LYPLAL1: variants seen among roughly 807,000 people sequenced by gnomAD.
LYPLAL1 encodes the protein lysophospholipase like 1, also known as lysophospholipase-like protein 1.
LYPLAL1 carries 23 observed loss-of-function variants against 19.7 expected under a neutral mutation model. The ratio of observed to expected loss-of-function variants is 1.17; its 90% CI spans 0.84 to 1.65. The LOEUF is 1.65. LYPLAL1 is among the 40% of genes most tolerant of loss of function. LYPLAL1 has a pLI of 0.00. For missense variants in LYPLAL1, 355 were observed against 279.4 expected, an observed-to-expected ratio of 1.27 and a Z score of -1.93; for synonymous variants, 119 against 96.3, an observed-to-expected ratio of 1.24 and a Z score of -1.38.
chr1:219,376,454 C>T, the LYPLAL1 span, among the ~76,000 whole-genome samples: 9 of 150,734 alleles, frequency 6.0e-5, no homozygotes, highest in South Asian at 1.1e-3. Context: ...CCAAAAACAA[C>T]GGAAACAAAA....
At chr1:219,380,845 C>T in the LYPLAL1 span, among the ~76,000 whole-genome samples, 2 of 152,074 alleles carry the variant, frequency 1.3e-5, no homozygotes, top group African/African-American at 2.4e-5. Context: ...CCCTGTTGGT[C>T]CTAGTGAGAA....
At chr1:219,308,499 G>C in the LYPLAL1 span, among the ~76,000 whole-genome samples, 14 of 152,218 alleles carry the variant, frequency 9.2e-5, no homozygotes, top group Admixed American at 7.2e-4. Context: ...CAGAGGTCTA[G>C]GAGGAAATAA....
At chr1:219,180,046 G>A (rs529780923) in intron 2 of LYPLAL1, among the ~76,000 whole-genome samples, 52 of 151,834 alleles carry the variant, frequency 3.4e-4, no homozygotes, top group Non-Finnish European at 6.6e-4. Flanking sequence ...GCCTAGGCTG[G>A]AGTGCAGTGG....
the LYPLAL1 span, among the ~76,000 whole-genome samples, chr1:219,350,934 G>C: frequency 3.3e-5 from 5 of 152,116 alleles, no homozygotes; most frequent in Non-Finnish European, 7.4e-5. Context: ...TTCTGCAAGA[G>C]GGTGAGGAGC....
intron 1 of LYPLAL1, 63 bp downstream of exon 1, chr1:219,174,044 C>T: frequency 6.2e-7 from 1 of 1,601,034 alleles, no homozygotes; most frequent in Non-Finnish European, 8.5e-7. Context: ...CTCGGTTACC[C>T]CAGTATTGCC....
At chr1:219,329,821 G>A in the LYPLAL1 span, among the ~76,000 whole-genome samples, 1 of 152,158 alleles carries the variant, frequency 6.6e-6, no homozygotes, top group African/African-American at 2.4e-5. Flanking sequence ...GGCTGTGACT[G>A]CTGCAGGAAA....
At chr1:219,333,650 T>G in the LYPLAL1 span, among the ~76,000 whole-genome samples, 2 of 152,004 alleles carry the variant, frequency 1.3e-5, no homozygotes, top group Admixed American at 1.3e-4. Context: ...ATAAGAGAAA[T>G]AAGAATTTTT....
chr1:219,353,762 G>A, the LYPLAL1 span, among the ~76,000 whole-genome samples: 26 of 152,148 alleles, frequency 1.7e-4, no homozygotes, highest in South Asian at 1.0e-3. Flanking sequence ...TTCTAGATGC[G>A]AAGAAACAGG....
downstream of LYPLAL1, among the ~76,000 whole-genome samples, chr1:219,216,311 C>T (rs2125130663): frequency 6.6e-6 from 1 of 152,096 alleles, no homozygotes; most frequent in East Asian, 1.9e-4. Flanking sequence ...TGATTGGATT[C>T]TAGACATGTG....
At chr1:219,404,839 T>C in the LYPLAL1 span, among the ~76,000 whole-genome samples, 1 of 152,210 alleles carries the variant, frequency 6.6e-6, no homozygotes, top group Non-Finnish European at 1.5e-5. Flanking sequence ...ATTACCATGA[T>C]TTGCTCATTA....
chr1:219,182,375 G>A (rs1377920015), intron 2 of LYPLAL1, among the ~76,000 whole-genome samples: 4 of 152,014 alleles, frequency 2.6e-5, no homozygotes, highest in South Asian at 2.1e-4. Context: ...ATTTATTGTC[G>A]TTGCTTTTGT....
At chr1:219,304,316 T>C in the LYPLAL1 span, among the ~76,000 whole-genome samples, 2 of 152,208 alleles carry the variant, frequency 1.3e-5, no homozygotes, top group African/African-American at 4.8e-5. Flanking sequence ...TAAATAATTA[T>C]CCAAGATGCT....
the LYPLAL1 span, among the ~76,000 whole-genome samples, chr1:219,237,873 G>A: frequency 6.6e-6 from 1 of 152,040 alleles, no homozygotes; most frequent in African/African-American, 2.4e-5. Context: ...CTGTCTCACT[G>A]GTAACTTTAT....
the LYPLAL1 span, among the ~76,000 whole-genome samples, chr1:219,223,458 T>C: frequency 2.2e-4 from 34 of 152,324 alleles, no homozygotes; most frequent in African/African-American, 7.9e-4. Flanking sequence ...GAAATTATAT[T>C]CAAAATATTG....
chr1:219,196,630 T>C (rs926085509), intron 3 of LYPLAL1, among the ~76,000 whole-genome samples: 14 of 152,100 alleles, frequency 9.2e-5, no homozygotes, highest in African/African-American at 3.4e-4. Flanking sequence ...CAACATAGTA[T>C]TGGGAGTTCT....
the LYPLAL1 span, among the ~76,000 whole-genome samples, chr1:219,314,653 C>T: frequency 8.5e-5 from 13 of 152,262 alleles, no homozygotes; most frequent in African/African-American, 1.2e-4. Flanking sequence ...ACCGTGGTCT[C>T]GATCTCCTGA....
At chr1:219,236,958 A>C in the LYPLAL1 span, among the ~76,000 whole-genome samples, 3 of 150,130 alleles carry the variant, frequency 2.0e-5, no homozygotes, top group Admixed American at 1.3e-4. Context: ...CCCTGTGTCC[A>C]TGTGTAAGAG....
chr1:219,415,015 A>G, the LYPLAL1 span, among the ~76,000 whole-genome samples: 12 of 152,250 alleles, frequency 7.9e-5, no homozygotes, highest in African/African-American at 2.9e-4. Context: ...CAATACTTCA[A>G]TACACCAAGA....
At chr1:219,380,077 C>T in the LYPLAL1 span, among the ~76,000 whole-genome samples, 1 of 152,230 alleles carries the variant, frequency 6.6e-6, no homozygotes, top group African/African-American at 2.4e-5. Flanking sequence ...ATACTTACTT[C>T]ATCCTTACAG....
Sources: allele counts gnomAD v4.1 joint callset (sites outside exome capture counted in the v4.1 genomes callset), GRCh38; gene constraint gnomAD v4.1.1; transcripts MANE v1.5; gene names NCBI Gene and HGNC (gene_info 2026-07-23, HGNC 2026-07-21).